The following DENND1B variants were observed in gnomAD, a reference collection of about 807,000 sequenced individuals.
DENND1B encodes the protein DENN domain-containing protein 1B.
In DENND1B, 59 loss-of-function variants were observed where a neutral mutation model predicts 90.1. The ratio of observed to expected loss-of-function variants is 0.65; its 90% CI spans 0.53 to 0.81. The LOEUF is 0.81. DENND1B is among the 40% of genes least tolerant of loss of function. The pLI, the probability that DENND1B is intolerant of heterozygous loss-of-function variation, is 0.00. For synonymous variants in DENND1B, 337 were observed against 324.6 expected, an observed-to-expected ratio of 1.04 and a Z score of -0.41; for missense variants, 862 against 912.6, an observed-to-expected ratio of 0.94 and a Z score of 0.71.
At chr1:197,616,722 AAGTT>A (rs1677684058) in intron 11 of DENND1B, among the ~76,000 whole-genome samples, 1 of 151,148 alleles carries the variant, frequency 6.6e-6, no homozygotes, top group South Asian at 2.1e-4. Context: ...TGAAATAAGA[AAGTT>A]AAATGAGTGC....
intron 14 of DENND1B, among the ~76,000 whole-genome samples, chr1:197,587,722 T>C (rs1674828015): frequency 6.6e-6 from 1 of 151,920 alleles, no homozygotes; most frequent in African/African-American, 2.4e-5. Context: ...TGGGGAATAG[T>C]TGTGGGATAA....
intron 18 of DENND1B, among the ~76,000 whole-genome samples, chr1:197,544,762 GGAAGAGGACGAGGAGGAGGAAGAAGAA>G (rs1670596710): frequency 7.6e-6 from 1 of 130,872 alleles, no homozygotes; most frequent in East Asian, 2.2e-4. Flanking sequence ...AAGAAGAAGA[GGAAGAGGACGAGGAGGAGGAAGAAGAA>G]GAAGAGGAGG....
chr1:197,779,383 T>C (rs1308295017), upstream of DENND1B, among the ~76,000 whole-genome samples: 1 of 152,156 alleles, frequency 6.6e-6, no homozygotes, highest in Non-Finnish European at 1.5e-5. Flanking sequence ...CTGTGAAGTA[T>C]CTAGGTGTAG....
intron 5 of DENND1B, among the ~76,000 whole-genome samples, chr1:197,662,856 T>C (rs1259566413): frequency 6.6e-6 from 1 of 152,140 alleles, no homozygotes; most frequent in Non-Finnish European, 1.5e-5. Context: ...TTCATTTGTT[T>C]ATTTAACATT....
chr1:197,627,946 T>C (rs1678932936), intron 10 of DENND1B, among the ~76,000 whole-genome samples: 1 of 151,986 alleles, frequency 6.6e-6, no homozygotes, highest in African/African-American at 2.4e-5. Context: ...GAGAATAAAA[T>C]ACCTAGGAAT....
chr1:197,623,515 G>C (rs61829314), intron 10 of DENND1B, among the ~76,000 whole-genome samples: 1 of 151,508 alleles, frequency 6.6e-6, no homozygotes, highest in Non-Finnish European at 1.5e-5. Flanking sequence ...AGACTTATAA[G>C]AAAATGTTTG....
intron 20 of DENND1B, among the ~76,000 whole-genome samples, chr1:197,538,656 A>AT (rs67761711): frequency 0.088 from 9,270 of 105,836 alleles, 667 homozygotes; most frequent in African/African-American, 0.15. Context: ...AATTAATGGG[A>AT]TTTTTTTTTT....
At chr1:197,647,810 T>C (rs1188820293) in intron 7 of DENND1B, among the ~76,000 whole-genome samples, 1 of 151,880 alleles carries the variant, frequency 6.6e-6, no homozygotes, top group Admixed American at 6.6e-5. Context: ...TAGCCCGGTT[T>C]GGTGGTGGGC....
chr1:197,751,119 A>G (rs553436235), intron 2 of DENND1B, among the ~76,000 whole-genome samples: 8 of 152,348 alleles, frequency 5.3e-5, no homozygotes, highest in African/African-American at 1.9e-4. Context: ...TACATCCAAC[A>G]ACTGCAGAAT....
At chr1:197,683,186 A>T (rs1656872267) in intron 3 of DENND1B, among the ~76,000 whole-genome samples, 1 of 152,166 alleles carries the variant, frequency 6.6e-6, no homozygotes, top group African/African-American at 2.4e-5. Context: ...GTCAAAACTA[A>T]TCTCATTGTA....
intron 2 of DENND1B, among the ~76,000 whole-genome samples, chr1:197,727,896 T>G (rs184680369): frequency 2.9e-4 from 44 of 152,182 alleles, no homozygotes; most frequent in Admixed American, 1.5e-3. Context: ...AAGTGTAAAC[T>G]AATAGTTGAA....
At chr1:197,536,974 G>A (rs1432416519) in intron 20 of DENND1B, among the ~76,000 whole-genome samples, 7 of 151,280 alleles carry the variant, frequency 4.6e-5, no homozygotes, top group Non-Finnish European at 1.0e-4. Context: ...CCAGGAGGCG[G>A]AGCTTGCAGT....
chr1:197,574,851 C>T (rs1571933129), intron 15 of DENND1B, among the ~76,000 whole-genome samples: 2 of 152,074 alleles, frequency 1.3e-5, no homozygotes, highest in African/African-American at 4.8e-5. Context: ...AAAGGATTCC[C>T]GATTTAATAA....
At chr1:197,656,047 T>C (rs1200606291) in intron 6 of DENND1B, among the ~76,000 whole-genome samples, 1 of 152,154 alleles carries the variant, frequency 6.6e-6, no homozygotes, top group Non-Finnish European at 1.5e-5. Flanking sequence ...CATACAAGTT[T>C]AAATTTTATT....
intron 15 of DENND1B, among the ~76,000 whole-genome samples, chr1:197,579,426 TCTC>T (rs537918216): frequency 7.9e-5 from 12 of 152,214 alleles, no homozygotes; most frequent in African/African-American, 2.9e-4. Flanking sequence ...TAATCTTTTT[TCTC>T]CTATTTAAAT....
At chr1:197,651,632 A>G (rs1417852796) in intron 7 of DENND1B, among the ~76,000 whole-genome samples, 1 of 149,246 alleles carries the variant, frequency 6.7e-6, no homozygotes, top group Admixed American at 6.7e-5. Context: ...ATTTCACCTG[A>G]AAATCAATGC....
At chr1:197,781,978 A>G in the DENND1B span, among the ~76,000 whole-genome samples, 1 of 152,174 alleles carries the variant, frequency 6.6e-6, no homozygotes, top group Non-Finnish European at 1.5e-5. Context: ...AATTGTAAAT[A>G]AATTTTCTTA....
intron 5 of DENND1B, among the ~76,000 whole-genome samples, chr1:197,659,247 A>C (rs1039020327): frequency 2.0e-5 from 3 of 151,676 alleles, no homozygotes; most frequent in African/African-American, 7.2e-5. Flanking sequence ...CATACACATA[A>C]CATGTAAAAT....
At chr1:197,615,381 C>T (rs770683879) in intron 11 of DENND1B, among the ~76,000 whole-genome samples, 27 of 151,064 alleles carry the variant, frequency 1.8e-4, no homozygotes, top group Non-Finnish European at 3.9e-4. Flanking sequence ...CTCCACAGTC[C>T]AACCCACACC....
Sources: gnomAD v4.1 joint callset for allele counts (sites outside exome capture counted in the v4.1 genomes callset) on GRCh38, gnomAD v4.1.1 for gene constraint, MANE v1.5 for transcripts, NCBI Gene and HGNC (gene_info 2026-07-23, HGNC 2026-07-21) for gene names.